Variants in CELF2 observed in about 807,000 individuals in gnomAD.
CELF2 encodes the protein CUGBP Elav-like family member 2.
CELF2 carries 8 observed loss-of-function variants against 62.6 expected under a neutral mutation model. The observed-to-expected ratio is 0.13, with a 90% confidence interval of 0.07 to 0.23. The LOEUF is 0.23. Ranked by LOEUF, CELF2 falls within the 10% of genes least tolerant of loss-of-function variation. The pLI, the probability that CELF2 is intolerant of heterozygous loss-of-function variation, is 1.00. For missense variants in CELF2, 333 were observed against 671.0 expected (o/e 0.50, Z 5.56); for synonymous variants, 258 against 250.0 (o/e 1.03, Z -0.30).
the CELF2 span, among the ~76,000 whole-genome samples, chr10:10,635,846 G>C: frequency 6.6e-6 from 1 of 152,148 alleles, no homozygotes; most frequent in Non-Finnish European, 1.5e-5. Flanking sequence ...CTGTTTCTGT[G>C]ACCTCCAAAT....
chr10:11,036,140 G>A (rs1244374227), intron 1 of CELF2, among the ~76,000 whole-genome samples: 2 of 152,314 alleles, frequency 1.3e-5, no homozygotes, highest in Non-Finnish European at 2.9e-5. Flanking sequence ...TCAGACCTTT[G>A]CCAAGATTAA....
intron 8 of CELF2, among the ~76,000 whole-genome samples, chr10:11,278,906 T>C (rs1441083799): frequency 6.6e-6 from 1 of 152,172 alleles, no homozygotes; most frequent in African/African-American, 2.4e-5. Context: ...GGCACTAAGC[T>C]AGTAGGTGGC....
upstream of CELF2, among the ~76,000 whole-genome samples, chr10:11,013,679 T>C (rs1182488918): frequency 1.3e-5 from 2 of 152,226 alleles, no homozygotes; most frequent in Non-Finnish European, 2.9e-5. This position sits in a 1 kb window ranked among gnomAD's most constrained non-coding sequence, Gnocchi z 4.1. Context: ...AATAACGATT[T>C]CATCTTTATT....
chr10:10,761,679 G>A, the CELF2 span, among the ~76,000 whole-genome samples: 2 of 152,124 alleles, frequency 1.3e-5, no homozygotes, highest in East Asian at 3.9e-4. Context: ...AATTGGGCTG[G>A]GACATTGGTC....
chr10:10,580,241 C>T, the CELF2 span, among the ~76,000 whole-genome samples: 1 of 152,094 alleles, frequency 6.6e-6, no homozygotes, highest in East Asian at 1.9e-4. Context: ...AAAGTACAAC[C>T]TTTAGAAGAA....
intron 1 of CELF2, among the ~76,000 whole-genome samples, chr10:11,090,457 T>G (rs1211852978): frequency 6.6e-6 from 1 of 152,198 alleles, no homozygotes; most frequent in Admixed American, 6.5e-5. Context: ...TCAAATGAAT[T>G]TCTATTTTCT....
chr10:10,684,567 A>AC, the CELF2 span, among the ~76,000 whole-genome samples: 2,573 of 152,020 alleles, frequency 0.017, 35 homozygotes, highest in African/African-American at 0.038. Flanking sequence ...ACATGATGTG[A>AC]CCCCCATCTC....
chr10:10,722,538 T>C, the CELF2 span, among the ~76,000 whole-genome samples: 19 of 152,210 alleles, frequency 1.2e-4, no homozygotes, highest in African/African-American at 3.4e-4. Flanking sequence ...TGTCCCTTTT[T>C]CTTTTCTCCT....
chr10:11,321,321 C>T lies in CELF2; in HGVS notation c.1229C>T (p.Ala410Val). ...GGAATTCAACAGTACGCAGCCGCCG[C>T]GCTGCCCACTCTGTACAGCCAGAGC... is the stretch of plus-strand genomic sequence containing the variant. ...YSGIQQYAAA[A>V]LPTLYSQSLL... Residue 410 changes from alanine (A) to valine (V), a missense_variant, in exon 11 of 13, where the codon GCG becomes GTG. By Grantham distance (64) the Ala-to-Val change is moderately conservative. Transcript: ENST00000633077. The surrounding 1 kb of genome is among the most constrained non-coding windows in gnomAD (Gnocchi z 6.2). The T allele has an allele frequency of 6.2e-7, 1 of 1,612,800 alleles. No homozygotes were observed. Among genetic ancestry groups the T allele is most frequent in the Non-Finnish European group, 8.5e-7 (1 of 1,180,010 alleles).
At chr10:10,570,655 A>G in the CELF2 span, among the ~76,000 whole-genome samples, 2 of 152,120 alleles carry the variant, frequency 1.3e-5, no homozygotes, top group African/African-American at 2.4e-5. Context: ...ATTTGCCACA[A>G]TGTAAGATGC....
intron 5 of CELF2, among the ~76,000 whole-genome samples, 189 bp downstream of exon 5, chr10:11,258,061 G>A (rs897461257): frequency 2.0e-5 from 3 of 152,178 alleles, no homozygotes; most frequent in Non-Finnish European, 4.4e-5. Flanking sequence ...AGTTCAGAAG[G>A]CCTTGGTGCC....
the CELF2 span, among the ~76,000 whole-genome samples, chr10:10,761,202 T>G: frequency 6.6e-6 from 1 of 152,154 alleles, no homozygotes; most frequent in South Asian, 2.1e-4. Context: ...AATTGATTAT[T>G]TGAGGGGAGG....
the CELF2 span, among the ~76,000 whole-genome samples, chr10:10,658,592 G>A: frequency 6.6e-6 from 1 of 152,238 alleles, no homozygotes; most frequent in East Asian, 1.9e-4. Flanking sequence ...TTATAAATGT[G>A]TTTTATCATC....
chr10:10,771,100 T>C, the CELF2 span, among the ~76,000 whole-genome samples: 1 of 152,206 alleles, frequency 6.6e-6, no homozygotes, highest in South Asian at 2.1e-4. Context: ...ATGTAATTGA[T>C]GTTAGCAATT....
the CELF2 span, among the ~76,000 whole-genome samples, chr10:10,586,921 T>C: frequency 6.6e-6 from 1 of 152,296 alleles, no homozygotes; most frequent in East Asian, 1.9e-4. Flanking sequence ...CTTCCTGCTC[T>C]GAATGTCTAA....
chr10:11,257,686 C>G, intron 4 of CELF2, 52 bp from the exon 5 acceptor site: 1 of 1,596,904 alleles, frequency 6.3e-7, no homozygotes, highest in Non-Finnish European at 8.6e-7. Flanking sequence ...GCATTGATTA[C>G]AAGAAAAAAA....
At chr10:11,084,495 A>G (rs1479543461) in intron 1 of CELF2, among the ~76,000 whole-genome samples, 1 of 152,220 alleles carries the variant, frequency 6.6e-6, no homozygotes. Flanking sequence ...AAGGCTGAAG[A>G]TGATGTCTTA....
chr10:10,552,152 G>A, the CELF2 span, among the ~76,000 whole-genome samples: 5 of 152,132 alleles, frequency 3.3e-5, no homozygotes, highest in Non-Finnish European at 7.3e-5. Context: ...CAGTGCAAAT[G>A]AAAGACCATT....
At chr10:10,571,251 C>T in the CELF2 span, among the ~76,000 whole-genome samples, 10 of 152,090 alleles carry the variant, frequency 6.6e-5, no homozygotes, top group African/African-American at 1.9e-4. Flanking sequence ...AGAGCATTTA[C>T]CATCCACAGA....
Sources: allele counts gnomAD v4.1 joint callset (sites outside exome capture counted in the v4.1 genomes callset), GRCh38; gene constraint gnomAD v4.1.1; non-coding constraint Gnocchi (gnomAD v3.1); transcripts MANE v1.5; gene names NCBI Gene and HGNC (gene_info 2026-07-23, HGNC 2026-07-21).